ZDHHC2: variants seen among roughly 807,000 people sequenced by gnomAD.
ZDHHC2 encodes the protein zDHHC palmitoyltransferase 2.
ZDHHC2 carries 51 observed loss-of-function variants against 55.6 expected under a neutral mutation model. The observed-to-expected ratio is 0.92, with a 90% CI of 0.73 to 1.16. The LOEUF is 1.16. Ranked by LOEUF, ZDHHC2 falls within the 50% of genes most tolerant of loss-of-function variation. The pLI is 0.00. For missense variants in ZDHHC2, 491 were observed against 442.4 expected, an observed-to-expected ratio of 1.11 and a Z score of -0.99; for synonymous variants, 199 against 152.9, an observed-to-expected ratio of 1.30 and a Z score of -2.22.
intron 8 of ZDHHC2, among the ~76,000 whole-genome samples, chr8:17,208,576 GAC>G (rs1323027769): frequency 1.3e-5 from 2 of 152,034 alleles, no homozygotes; most frequent in Non-Finnish European, 2.9e-5. Flanking sequence ...GATCATAAAG[GAC>G]ACTCCAAGCT....
intron 1 of ZDHHC2, among the ~76,000 whole-genome samples, chr8:17,165,896 G>A (rs556205531): frequency 6.6e-6 from 1 of 152,328 alleles, no homozygotes; most frequent in Non-Finnish European, 1.5e-5. Context: ...CTCCGGCCAG[G>A]GGAGTTTGAT....
chr8:17,174,998 A>G (rs370844118), intron 1 of ZDHHC2, among the ~76,000 whole-genome samples: 1 of 152,034 alleles, frequency 6.6e-6, no homozygotes, highest in African/African-American at 2.4e-5. Flanking sequence ...AAGTGCTGGG[A>G]TTACAGATGT....
In ZDHHC2 at chr8:17,172,826, C is replaced by G. The variant is rs146049494; in HGVS notation, c.131-11963C>G. ...GGAGGTCAGGAAGCCTATCCCATCT[C>G]TTACTCTTTCTAGTATCACCATTTT... On this transcript the variant is annotated intron_variant, in intron 1 of 12. Transcript: ENST00000262096. 1.8e-3 allele frequency among the ~76,000 whole-genome samples: 268 copies of G among 152,264 alleles called. 2 individuals carry two copies. Among genetic ancestry groups the G allele is most frequent in the African/African-American group, 6.3e-3 (261 of 41,548 alleles).
intron 7 of ZDHHC2, among the ~76,000 whole-genome samples, chr8:17,207,255 G>A (rs918154052): frequency 4.6e-5 from 7 of 152,270 alleles, no homozygotes; most frequent in African/African-American, 1.7e-4. Flanking sequence ...GGTGTCCATA[G>A]CCCCAAGCCC....
At chr8:17,185,168 T>C (rs1805647112) in intron 2 of ZDHHC2, among the ~76,000 whole-genome samples, 1 of 152,238 alleles carries the variant, frequency 6.6e-6, no homozygotes, top group Non-Finnish European at 1.5e-5. Flanking sequence ...AGTGCCTTAT[T>C]GAATAATTCA....
chr8:17,184,195 C>T (rs77010464), intron 1 of ZDHHC2, among the ~76,000 whole-genome samples: 16,173 of 152,170 alleles, frequency 0.11, 973 homozygotes, highest in Non-Finnish European at 0.12. Context: ...CCCCTGTCCT[C>T]ATCTATAATA....
chr8:17,210,566 A>G, intron 10 of ZDHHC2, 86 bp downstream of exon 10: 2 of 1,167,332 alleles, frequency 1.7e-6, no homozygotes, highest in Non-Finnish European at 2.4e-6. Context: ...TTTGAAAAAA[A>G]ATGAAGACCA....
chr8:17,187,863 C>A (rs987801814), intron 3 of ZDHHC2, among the ~76,000 whole-genome samples: 1 of 152,096 alleles, frequency 6.6e-6, no homozygotes, highest in African/African-American at 2.4e-5. Flanking sequence ...TTGATAATTC[C>A]ACCAACATCT....
intron 1 of ZDHHC2, among the ~76,000 whole-genome samples, chr8:17,181,572 C>G (rs1405592489): frequency 3.9e-5 from 6 of 152,028 alleles, no homozygotes; most frequent in South Asian, 4.2e-4. Flanking sequence ...TGAAATTTCT[C>G]TATGGTAAAA....
At chr8:17,196,315 T>C (rs1483519452) in intron 4 of ZDHHC2, among the ~76,000 whole-genome samples, 2 of 152,114 alleles carry the variant, frequency 1.3e-5, no homozygotes, top group Non-Finnish European at 2.9e-5. Flanking sequence ...GCTTGAAGTA[T>C]GGCCAGTTCA....
chr8:17,198,269 C>A, intron 5 of ZDHHC2, 112 bp from the exon 6 acceptor site: 2 of 964,136 alleles, frequency 2.1e-6, no homozygotes, highest in Non-Finnish European at 2.9e-6. Context: ...AATAATTTTG[C>A]AATATTTTAC....
intron 10 of ZDHHC2, among the ~76,000 whole-genome samples, chr8:17,215,015 A>G (rs942880559): frequency 1.3e-5 from 2 of 152,176 alleles, no homozygotes; most frequent in African/African-American, 2.4e-5. Context: ...TTATCATCTT[A>G]TGGTAAGCAG....
At chr8:17,174,845 G>C (rs921368564) in intron 1 of ZDHHC2, among the ~76,000 whole-genome samples, 1 of 151,414 alleles carries the variant, frequency 6.6e-6, no homozygotes, top group East Asian at 1.9e-4. Context: ...TGACTAGCTG[G>C]CATCACAGGT....
intron 1 of ZDHHC2, among the ~76,000 whole-genome samples, chr8:17,172,159 A>G (rs1179056780): frequency 1.3e-5 from 2 of 152,076 alleles, no homozygotes; most frequent in Non-Finnish European, 2.9e-5. Context: ...TTATCCTTTT[A>G]ACTTTTTTGC....
chr8:17,210,308 C>G, intron 9 of ZDHHC2, 80 bp from the exon 10 acceptor site: 1 of 1,404,258 alleles, frequency 7.1e-7, no homozygotes, highest in Non-Finnish European at 9.8e-7. Flanking sequence ...ATGTTCTGCT[C>G]TCGGACATCA....
rs1554466236 is a variant in ZDHHC2 at position 17,199,615 on chromosome 8, C to CTTCTTCTTCTTCCT, written c.476+1211_476+1212insTTCCTTTCTTCTTC. On this transcript the variant is annotated intron_variant, in intron 6 of 12. Coordinates refer to ENST00000262096, the MANE Select transcript of ZDHHC2 (RefSeq NM_016353.5). ...TTCTTCTTCTTTATTCTTTCTTCTT[C>CTTCTTCTTCTTCCT]TTCTTCTTCCTTTCTTCTTCTTCTC... Among the ~76,000 whole-genome samples the CTTCTTCTTCTTCCT allele has an allele frequency of 1.7e-3, 88 of 50,816 alleles. 8 individuals carry two copies. The South Asian group carries it at 0.049, about 28-fold the overall frequency. The allele number at this position is 50,816 out of a possible 152,430, so 33.3% of individuals were successfully genotyped here. A position where few individuals can be genotyped will look rare whatever the true frequency, so the allele number is the denominator to read the frequency against.
intron 1 of ZDHHC2, among the ~76,000 whole-genome samples, chr8:17,165,872 G>T (rs571908901): frequency 6.6e-6 from 1 of 152,320 alleles, no homozygotes; most frequent in East Asian, 1.9e-4. Flanking sequence ...TGCGGGTATT[G>T]TGGAGAAATA....
At chr8:17,185,810 C>T (rs1008436826) in intron 2 of ZDHHC2, among the ~76,000 whole-genome samples, 4 of 152,184 alleles carry the variant, frequency 2.6e-5, no homozygotes, top group Non-Finnish European at 4.4e-5. Context: ...GACACTTGAA[C>T]TCCCACTGAA....
In ZDHHC2 at chr8:17,188,488, CT is replaced by C. The variant is rs1805843788; in HGVS notation, c.252+2066del. ...TTTCCTTTCCAAAATATTCTTACCC[CT>C]TTCTCATGGAAATAATATATTTATT... On this transcript the variant is annotated intron_variant, in intron 3 of 12. Coordinates refer to ENST00000262096, the MANE Select transcript of ZDHHC2 (RefSeq NM_016353.5). 3.3e-5 allele frequency among the ~76,000 whole-genome samples: 5 copies of C among 152,296 alleles called. No individual in the cohort carries two copies. The South Asian group carries it at 1.0e-3, about 32-fold the overall frequency.
Sources: gnomAD v4.1 joint callset for allele counts (sites outside exome capture counted in the v4.1 genomes callset) on GRCh38, gnomAD v4.1.1 for gene constraint, MANE v1.5 for transcripts, NCBI Gene and HGNC (gene_info 2026-07-23, HGNC 2026-07-21) for gene names.